The following ZNFX1 variants were observed in gnomAD, a reference collection of about 807,000 sequenced individuals.
The protein encoded by ZNFX1 is zinc finger NFX1-type containing 1, also known as NFX1-type zinc finger-containing protein 1.
In ZNFX1, 78 loss-of-function variants were observed where a neutral mutation model predicts 179.8. The ratio of observed to expected loss-of-function variants is 0.43; its 90% CI spans 0.36 to 0.52. The LOEUF (loss-of-function observed/expected upper bound fraction) is 0.52. Among genes scored for constraint, ZNFX1 ranks in the 20% least tolerant of loss-of-function variants. The pLI, the probability that ZNFX1 is intolerant of heterozygous loss-of-function variation, is 0.00. For synonymous variants in ZNFX1, 848 were observed against 868.5 expected (o/e 0.98, Z 0.42); for missense variants, 1,927 against 2,386.6 (o/e 0.81, Z 4.01).
chr20:49,275,865 G>A lies in ZNFX1; in HGVS notation c.-26C>T, dbSNP rs1981544747. 8.7e-6 allele frequency: 14 copies of A among 1,612,220 alleles called. No homozygotes were observed. Among genetic ancestry groups the A allele is most frequent in the Admixed American group, 3.3e-5 (2 of 59,966 alleles). ...GTCTGAGTCACCTGAATTCCTTCAC[G>A]TTACTTTCTGTTATCTGGAAAACTG... On this transcript the variant is annotated 5_prime_UTR_variant, in exon 2 of 14. It adds an upstream start codon to the 5' untranslated region. Coordinates refer to ENST00000396105, the MANE Select transcript of ZNFX1 (RefSeq NM_021035.3).
intron 4 of ZNFX1, among the ~76,000 whole-genome samples, chr20:49,265,441 A>C (rs547111247): frequency 1.3e-5 from 2 of 152,304 alleles, no homozygotes; most frequent in South Asian, 4.1e-4. Context: ...GGCAGCAATA[A>C]ATGTAGTGAG....
At chr20:49,269,213 G>A (rs1981317524) in intron 3 of ZNFX1, among the ~76,000 whole-genome samples, 1 of 152,202 alleles carries the variant, frequency 6.6e-6, no homozygotes, top group African/African-American at 2.4e-5. Context: ...GCAGCAAAGT[G>A]GATGGAGTTG....
intron 6 of ZNFX1, among the ~76,000 whole-genome samples, chr20:49,262,288 C>A (rs1390838118): frequency 2.0e-5 from 3 of 151,674 alleles, no homozygotes; most frequent in Non-Finnish European, 2.9e-5. Flanking sequence ...TGCCTGTAAT[C>A]CTAGCTACTC....
At position 49,263,029 on chromosome 20, in the gene ZNFX1, A is replaced by T. The variant is rs192962780; in HGVS notation, c.2301+305T>A. Reference sequence around the variant, plus strand: ...CCTTTTTTGCAAATCAATATTACAGATGTTGGCAATTTCATATGGTTCAAC... The same window carrying T: ...CCTTTTTTGCAAATCAATATTACAGTTGTTGGCAATTTCATATGGTTCAAC... On this transcript the variant is annotated intron_variant, in intron 6 of 13. Coordinates refer to ENST00000396105, the MANE Select transcript of ZNFX1 (RefSeq NM_021035.3). Among the ~76,000 whole-genome samples, 6 of 152,334 alleles carry T rather than the reference A, an allele frequency of 3.9e-5. No individual in the cohort carries two copies. In the East Asian group the frequency reaches 9.6e-4, roughly 24 times the overall value.
At chr20:49,257,174 A>G (rs1980989671) in intron 8 of ZNFX1, among the ~76,000 whole-genome samples, 1 of 152,150 alleles carries the variant, frequency 6.6e-6, no homozygotes, top group South Asian at 2.1e-4. Context: ...CACAAGTTCT[A>G]CAGAAGCACT....
intron 2 of ZNFX1, among the ~76,000 whole-genome samples, chr20:49,273,112 C>A (rs773435363): frequency 7.2e-5 from 11 of 152,050 alleles, no homozygotes; most frequent in Non-Finnish European, 1.5e-4. Context: ...CCTTGTTTTG[C>A]ATTTTGTAGA....
At chr20:49,267,598 T>G (rs941481468) in intron 3 of ZNFX1, among the ~76,000 whole-genome samples, 2 of 152,036 alleles carry the variant, frequency 1.3e-5, no homozygotes, top group Non-Finnish European at 2.9e-5. Context: ...AATTTAGCAG[T>G]AGCTATTTTA....
Position 49,264,764 on chromosome 20 carries a change from C to T in ZNFX1, c.2103G>A (p.Arg701=). Residue 701 remains arginine, a synonymous_variant, in exon 5 of 14, where the codon CGG becomes CGA. Transcript: ENST00000396105. ...QFTLRELRNK[R]EFRRNLPMHL... ...GCATGGGGAGGTTGCGGCGGAATTC[C>T]CGCTTGTTCCTCAGCTCCCTTAGGG... 6.2e-7 allele frequency: 1 copy of T among 1,614,158 alleles called. No homozygotes were observed. The highest frequency in any genetic ancestry group is 1.1e-5 in the South Asian group (1 of 91,076).
At chr20:49,264,913 G>C in intron 4 of ZNFX1, 49 bp from the exon 5 acceptor site, 2 of 1,612,064 alleles carry the variant, frequency 1.2e-6, no homozygotes, top group Non-Finnish European at 1.7e-6. Context: ...CTTATGCTAG[G>C]TTCTCTCAGG....
chr20:49,264,350 ATC>A (rs1215535075), intron 5 of ZNFX1, among the ~76,000 whole-genome samples: 2 of 152,240 alleles, frequency 1.3e-5, no homozygotes, highest in Non-Finnish European at 1.5e-5. Flanking sequence ...GGCTCACAAT[ATC>A]TGTTCTCTCT....
In ZNFX1 at chr20:49,263,394, C is replaced by T. The variant is rs139038003; in HGVS notation, c.2241G>A (p.Gln747=). 2.1e-5 allele frequency: 34 copies of T among 1,613,870 alleles called. No individual in the cohort carries two copies. The highest frequency in any genetic ancestry group is 2.8e-5 in the Non-Finnish European group (33 of 1,179,996). The change falls in exon 6 of 14, where the codon CAG becomes CAA. Residue 747 remains glutamine, a synonymous_variant. Transcript: ENST00000396105. ...ECTMRGVLRE[Q]YLQKYISPQH... ...GGGGTGAGATGTACTTCTGCAGGTA[C>T]TGTTCCCGTAGGACACCACGCATGG...
In ZNFX1 at chr20:49,253,772, G is replaced by A. The variant is rs1485217914; in HGVS notation, c.2999C>T (p.Pro1000Leu). 3 of 1,614,122 alleles carry A rather than the reference G, an allele frequency of 1.9e-6. No homozygotes were observed. The highest frequency in any genetic ancestry group is 1.1e-5 in the South Asian group (1 of 91,086). The stretch of plus-strand genomic sequence containing the variant: ...AGCTTCTTCCACTATGACAATCCTC[G>A]GCTCCACCTTCTGTAGGATCTGGCG... ...KYRQILQKVE[P>L]RIVIVEEAAE... Residue 1000 changes from proline (P) to leucine (L), a missense_variant, in exon 11 of 14, where the codon CCG becomes CTG. By Grantham distance (98) the Pro-to-Leu change is moderately conservative. Transcript: ENST00000396105.
intron 3 of ZNFX1, among the ~76,000 whole-genome samples, chr20:49,269,690 T>C (rs238185): frequency 0.68 from 104,105 of 152,008 alleles, 36,582 homozygotes; most frequent in Non-Finnish European, 0.78. Context: ...CCAAAAACAA[T>C]GACGACAACA....
chr20:49,261,819 T>A (rs935333499), intron 6 of ZNFX1, among the ~76,000 whole-genome samples: 6 of 151,792 alleles, frequency 4.0e-5, no homozygotes, highest in African/African-American at 7.2e-5. Context: ...CTAATTTTTT[T>A]ATTTTTTTAG....
intron 9 of ZNFX1, 122 bp downstream of exon 9, chr20:49,255,686 A>T (rs1980952318): frequency 2.7e-6 from 3 of 1,127,326 alleles, no homozygotes; most frequent in Non-Finnish European, 3.8e-6. Flanking sequence ...CCTATCACTC[A>T]GCTCAGTGGT....
intron 11 of ZNFX1, among the ~76,000 whole-genome samples, chr20:49,253,433 G>C (rs1231288214): frequency 6.6e-6 from 1 of 152,140 alleles, no homozygotes; most frequent in Non-Finnish European, 1.5e-5. Flanking sequence ...AAGAGGCCAT[G>C]GTGGACTAGG....
Position 49,255,923 on chromosome 20 carries a change from T to A in ZNFX1, c.2689A>T (p.Met897Leu), listed in dbSNP as rs1980960436. 1.2e-6 allele frequency: 2 copies of A among 1,614,140 alleles called. No homozygotes were observed. The highest frequency in any genetic ancestry group is 1.7e-6 in the Non-Finnish European group (2 of 1,180,022). Reference protein sequence around the residue: ...WQTQRNQKKKMKKRVKDELRK... With the variant: ...WQTQRNQKKKLKKRVKDELRK... ...AGCTCATCCTTCACTCTTTTTTTCA[T>A]TTTCTTTTTCTGGTTGCGCTGGGTC... The change falls in exon 9 of 14, where the codon ATG (methionine) becomes TTG (leucine). Residue 897 changes from methionine to leucine, a missense_variant. By Grantham distance (15) the Met-to-Leu change is conservative. Transcript: ENST00000396105.
rs771148373 is a variant in ZNFX1 at position 49,247,630 on chromosome 20, T to C, written c.5394A>G (p.Thr1798=). Residue 1798 remains threonine (T), a synonymous_variant, in exon 14 of 14, where the codon ACA becomes ACG. Transcript: ENST00000396105. ...GTTCATCCTCTTGGGTGAACTTACA[T>C]GTTTTCTCAAGGATATTCTGGACAC... ...VYSVQNILEK[T]CKFTQEDEQL... 9 of 1,614,244 alleles carry C rather than the reference T, an allele frequency of 5.6e-6. No homozygotes were observed. Among genetic ancestry groups the C allele is most frequent in the Non-Finnish European group, 7.6e-6 (9 of 1,180,046 alleles).
At position 49,263,459 on chromosome 20, in the gene ZNFX1, C is replaced by A; in HGVS notation, c.2176G>T (p.Glu726Ter). The A allele has an allele frequency of 6.3e-7, 1 of 1,594,096 alleles. No individual in the cohort carries two copies. Among genetic ancestry groups the A allele is most frequent in the Non-Finnish European group, 8.6e-7 (1 of 1,169,246 alleles). Residue 726 changes from glutamate (E) to a stop codon, truncating the protein, a stop_gained, in exon 6 of 14, where the codon GAG becomes TAG. Transcript: ENST00000396105. LOFTEE classifies it high-confidence loss of function. ...TTGGCTCCTTCATGAAGCTCTTGCTCTGACTCCTTCATCTGTGTCATGATC... is the reference window on the plus strand; with the variant it reads ...TTGGCTCCTTCATGAAGCTCTTGCTATGACTCCTTCATCTGTGTCATGATC... ...MSIMTQMKES[E>*]QELHEGAKTL...
Sources: allele counts gnomAD v4.1 joint callset (sites outside exome capture counted in the v4.1 genomes callset), GRCh38; gene constraint gnomAD v4.1.1; transcripts MANE v1.5; gene names NCBI Gene and HGNC (gene_info 2026-07-23, HGNC 2026-07-21).